Variants in TAF4B observed in about 807,000 individuals in gnomAD.
TAF4B encodes the protein TATA-box binding protein associated factor 4b.
In TAF4B, 38 loss-of-function variants were observed where a neutral mutation model predicts 86.4. The ratio of observed to expected loss-of-function variants is 0.44; its 90% confidence interval spans 0.34 to 0.58. The LOEUF (loss-of-function observed/expected upper bound fraction) is 0.58, where lower values mean the gene tolerates loss of function less well. Among genes scored for constraint, TAF4B ranks in the 20% least tolerant of loss-of-function variants. The pLI is 0.02. For missense variants in TAF4B, 988 were observed against 1,027.6 expected (o/e 0.96, Z 0.53); for synonymous variants, 388 against 391.2 (o/e 0.99, Z 0.10).
intron 10 of TAF4B, among the ~76,000 whole-genome samples, chr18:26,319,158 C>T (rs540684324): frequency 6.6e-6 from 1 of 152,162 alleles, no homozygotes; most frequent in East Asian, 1.9e-4. Context: ...TGCTCCACTG[C>T]ATTCCAGCCT....
chr18:26,264,148 T>C (rs1269120345), intron 1 of TAF4B, among the ~76,000 whole-genome samples: 1 of 152,122 alleles, frequency 6.6e-6, no homozygotes, highest in Non-Finnish European at 1.5e-5. Context: ...GATTAAAATA[T>C]TATTTGTCAG....
At chr18:26,238,751 C>G (rs1265655404) in intron 1 of TAF4B, among the ~76,000 whole-genome samples, 3 of 152,114 alleles carry the variant, frequency 2.0e-5, no homozygotes, top group Non-Finnish European at 4.4e-5. Flanking sequence ...CCTCCCACCC[C>G]ACGACAGGCC....
intron 1 of TAF4B, among the ~76,000 whole-genome samples, chr18:26,253,761 A>G (rs990627788): frequency 6.6e-6 from 1 of 152,012 alleles, no homozygotes; most frequent in African/African-American, 2.4e-5. Flanking sequence ...AGGCCTATTC[A>G]GGTTGTCTAT....
chr18:26,375,328 G>T (rs2057435574), intron 14 of TAF4B, among the ~76,000 whole-genome samples: 1 of 152,064 alleles, frequency 6.6e-6, no homozygotes, highest in Admixed American at 6.6e-5. Flanking sequence ...AGGACATTTG[G>T]TTGTTTATAC....
chr18:26,293,509 G>A lies in TAF4B; in HGVS notation c.1810G>A (p.Glu604Lys). The A allele has an allele frequency of 6.3e-7, 1 of 1,576,366 alleles. No individual in the cohort carries two copies. Among genetic ancestry groups the A allele is most frequent in the Non-Finnish European group, 8.6e-7 (1 of 1,167,698 alleles). Residue 604 changes from glutamate to lysine, a missense_variant, in exon 9 of 15, where the codon GAG becomes AAG. By Grantham distance (56) the Glu-to-Lys change is moderately conservative (BLOSUM62 1). Coordinates refer to ENST00000269142, the MANE Select transcript of TAF4B (RefSeq NM_005640.3). ...TCCTACTCAGAAAAATAGAATAAAA[G>A]AGAATGTAACATCATGCTTCCGGTA... The part of the protein sequence containing the change: ...ASPTQKNRIK[E>K]NVTSCFRDED...
At chr18:26,332,675 G>A (rs1306541447) in intron 12 of TAF4B, among the ~76,000 whole-genome samples, 1 of 151,930 alleles carries the variant, frequency 6.6e-6, no homozygotes, top group Non-Finnish European at 1.5e-5. Flanking sequence ...GATTACAGGT[G>A]CCCGCCACCA....
intron 7 of TAF4B, among the ~76,000 whole-genome samples, chr18:26,289,529 C>G (rs919692838): frequency 6.6e-6 from 1 of 152,142 alleles, no homozygotes; most frequent in Non-Finnish European, 1.5e-5. Flanking sequence ...TTCTGTCACC[C>G]AGGTTAGAGT....
chr18:26,286,246 C>T lies in TAF4B; in HGVS notation c.1337C>T (p.Thr446Ile). 1 of 1,614,230 alleles carries T rather than the reference C, an allele frequency of 6.2e-7. No individual in the cohort carries two copies. Among genetic ancestry groups the T allele is most frequent in the South Asian group, 1.1e-5 (1 of 91,078 alleles). ...GTGACATCTGTGGCAAACACAGTGA[C>T]CACGGTCTCACTGCAACCTGAAAAG... ...PLVTSVANTVTTVSLQPEKPV... is the reference protein window; with the variant it reads ...PLVTSVANTVITVSLQPEKPV... Residue 446 changes from threonine to isoleucine, a missense_variant, in exon 7 of 15, where the codon ACC (threonine) becomes ATC (isoleucine). Transcript: ENST00000269142.
At chr18:26,267,299 G>T in intron 2 of TAF4B, 1 of 384,786 alleles carries the variant, frequency 2.6e-6, no homozygotes, top group Non-Finnish European at 4.6e-6. Context: ...GTTATTTATT[G>T]AATCAGTTGC....
chr18:26,238,369 G>C (rs774796845), intron 1 of TAF4B, among the ~76,000 whole-genome samples: 1 of 152,028 alleles, frequency 6.6e-6, no homozygotes, highest in Admixed American at 6.6e-5. Flanking sequence ...GAATAGGAAG[G>C]ATATAATTTC....
chr18:26,267,946 G>GAGT (rs997386600), intron 3 of TAF4B, among the ~76,000 whole-genome samples: 31 of 152,188 alleles, frequency 2.0e-4, no homozygotes, highest in African/African-American at 7.5e-4. Flanking sequence ...AAGGAAAGGA[G>GAGT]AGTAGATAAG....
chr18:26,307,345 A>C (rs1439071579), intron 9 of TAF4B, among the ~76,000 whole-genome samples: 2 of 152,004 alleles, frequency 1.3e-5, no homozygotes, highest in African/African-American at 4.8e-5. Flanking sequence ...AGCTGGGGTG[A>C]ATTTGGGAAG....
chr18:26,287,960 A>G (rs1240841157), intron 7 of TAF4B, among the ~76,000 whole-genome samples: 1 of 152,166 alleles, frequency 6.6e-6, no homozygotes, highest in African/African-American at 2.4e-5. Context: ...GGGAAATGTA[A>G]CTGCCTTGCA....
intron 1 of TAF4B, among the ~76,000 whole-genome samples, chr18:26,228,768 C>G (rs1457818223): frequency 9.2e-5 from 14 of 152,048 alleles, no homozygotes; most frequent in Non-Finnish European, 1.9e-4. Flanking sequence ...CTGTTCCTCC[C>G]CATCCCTCCC....
chr18:26,363,692 G>A (rs750085743), intron 14 of TAF4B, among the ~76,000 whole-genome samples: 2 of 152,176 alleles, frequency 1.3e-5, no homozygotes, highest in Non-Finnish European at 2.9e-5. Flanking sequence ...ACACAAAAAT[G>A]ATGTATGAAA....
intron 9 of TAF4B, among the ~76,000 whole-genome samples, chr18:26,313,534 A>C (rs1205697866): frequency 1.3e-5 from 2 of 152,144 alleles, no homozygotes; most frequent in Non-Finnish European, 2.9e-5. Context: ...TTGAGAAATT[A>C]AGTTTTTACT....
intron 9 of TAF4B, among the ~76,000 whole-genome samples, chr18:26,296,701 T>A (rs2056666881): frequency 6.6e-6 from 1 of 152,140 alleles, no homozygotes; most frequent in African/African-American, 2.4e-5. Context: ...CCAAAAAGAT[T>A]CCTTTGCACT....
chr18:26,300,766 A>G lies in TAF4B; in HGVS notation c.1832+7235A>G, dbSNP rs1000982379. ...TTGGTGAAGGTGGGTGACAGTGTTC[A>G]CATCTTCTATACCCTGGGCTTTTTT... On this transcript the variant is annotated intron_variant, in intron 9 of 14. Transcript: ENST00000269142. 4.6e-5 allele frequency among the ~76,000 whole-genome samples: 7 copies of G among 152,190 alleles called. No individual in the cohort carries two copies. The East Asian group carries it at 1.4e-3, about 29-fold the overall frequency.
chr18:26,388,134 G>A (rs1328031993), intron 14 of TAF4B, among the ~76,000 whole-genome samples: 1 of 152,150 alleles, frequency 6.6e-6, no homozygotes, highest in Non-Finnish European at 1.5e-5. Flanking sequence ...CTATCGAGAC[G>A]TTTTGTGAAA....
Sources: gnomAD v4.1 joint callset for allele counts (sites outside exome capture counted in the v4.1 genomes callset) on GRCh38, gnomAD v4.1.1 for gene constraint, MANE v1.5 for transcripts, NCBI Gene and HGNC (gene_info 2026-07-23, HGNC 2026-07-21) for gene names.